Variants in NCAM2 observed in about 807,000 individuals in gnomAD.
NCAM2 encodes the protein N-CAM-2.
In NCAM2, 30 loss-of-function variants were observed where a neutral mutation model predicts 98.1. The observed-to-expected ratio is 0.31, with a 90% CI of 0.23 to 0.41. The LOEUF (loss-of-function observed/expected upper bound fraction) is 0.41. Ranked by LOEUF, NCAM2 falls within the 10% of genes least tolerant of loss-of-function variation. The pLI is 1.00. For synonymous variants in NCAM2, 368 were observed against 342.4 expected, an observed-to-expected ratio of 1.07 and a Z score of -0.83; for missense variants, 867 against 1,005.8, an observed-to-expected ratio of 0.86 and a Z score of 1.87.
intron 1 of NCAM2, among the ~76,000 whole-genome samples, chr21:21,132,811 T>G (rs1405231601): frequency 1.3e-5 from 2 of 151,972 alleles, no homozygotes; most frequent in African/African-American, 4.8e-5. Flanking sequence ...TGAATATTTT[T>G]TAAAATGAAT....
At chr21:21,247,398 G>A (rs1423304568) in intron 1 of NCAM2, among the ~76,000 whole-genome samples, 1 of 152,154 alleles carries the variant, frequency 6.6e-6, no homozygotes, top group Non-Finnish European at 1.5e-5. Flanking sequence ...ATCTATTAAA[G>A]AGAAACGAAA....
intron 1 of NCAM2, among the ~76,000 whole-genome samples, chr21:21,044,588 A>C (rs2064972019): frequency 6.6e-6 from 1 of 152,240 alleles, no homozygotes; most frequent in Non-Finnish European, 1.5e-5. Context: ...TTAAAACCAA[A>C]TAAAAATGAT....
chr21:21,287,638 T>C (rs1412540095), intron 4 of NCAM2, among the ~76,000 whole-genome samples: 2 of 151,994 alleles, frequency 1.3e-5, no homozygotes, highest in Non-Finnish European at 1.5e-5. Context: ...TGTAAAACTT[T>C]ATTAGTAGAA....
chr21:21,120,168 G>T (rs564147926), intron 1 of NCAM2, among the ~76,000 whole-genome samples: 2 of 152,296 alleles, frequency 1.3e-5, no homozygotes, highest in South Asian at 4.1e-4. Context: ...TTATTAGTTT[G>T]TTAGGTAGAA....
chr21:21,033,888 A>G (rs2064743000), intron 1 of NCAM2, among the ~76,000 whole-genome samples: 1 of 152,120 alleles, frequency 6.6e-6, no homozygotes, highest in South Asian at 2.1e-4. Context: ...AGGCCCTGTT[A>G]ATAGTCATCC....
At chr21:21,164,982 A>G (rs1250787536) in intron 1 of NCAM2, among the ~76,000 whole-genome samples, 2 of 152,150 alleles carry the variant, frequency 1.3e-5, no homozygotes, top group Non-Finnish European at 2.9e-5. Context: ...ACTATCTTAA[A>G]TGCACTGTTG....
At chr21:21,448,408 A>G (rs1218190593) in intron 12 of NCAM2, among the ~76,000 whole-genome samples, 1 of 151,910 alleles carries the variant, frequency 6.6e-6, no homozygotes, top group Non-Finnish European at 1.5e-5. Flanking sequence ...TGGGGGCAAA[A>G]GGAGGGAACT....
chr21:21,441,989 G>A (rs232414), intron 12 of NCAM2, among the ~76,000 whole-genome samples: 73,954 of 151,988 alleles, frequency 0.49, 18,475 homozygotes, highest in African/African-American at 0.6. Context: ...CTTTTCTCAA[G>A]TCTATGAAAT....
At chr21:21,247,931 A>C (rs1459682909) in intron 1 of NCAM2, among the ~76,000 whole-genome samples, 2 of 151,800 alleles carry the variant, frequency 1.3e-5, no homozygotes, top group Non-Finnish European at 2.9e-5. Flanking sequence ...CTTTCTCTTC[A>C]ATTCTTTTAA....
intron 1 of NCAM2, among the ~76,000 whole-genome samples, chr21:21,215,222 T>C (rs1601669091): frequency 6.6e-6 from 1 of 152,136 alleles, no homozygotes; most frequent in Admixed American, 6.5e-5. Flanking sequence ...GTGCTTATCA[T>C]TATGCAAAGA....
At chr21:21,196,930 G>C (rs1255166364) in intron 1 of NCAM2, among the ~76,000 whole-genome samples, 1 of 152,042 alleles carries the variant, frequency 6.6e-6, no homozygotes, top group Non-Finnish European at 1.5e-5. Flanking sequence ...AGATCTCGTT[G>C]TTTAAAAGTG....
At chr21:21,458,549 G>C (rs923558593) in intron 12 of NCAM2, among the ~76,000 whole-genome samples, 3 of 152,182 alleles carry the variant, frequency 2.0e-5, no homozygotes, top group Non-Finnish European at 4.4e-5. Context: ...AGACCTCAGA[G>C]AGCTGCTTTG....
intron 1 of NCAM2, among the ~76,000 whole-genome samples, chr21:21,252,787 C>T (rs2032299): frequency 0.072 from 10,965 of 152,010 alleles, 788 homozygotes; most frequent in East Asian, 0.34. Context: ...TCTTTATTTT[C>T]TCCTGTCTAC....
At chr21:21,450,807 C>CGTATGTATGT (rs1980934719) in intron 12 of NCAM2, among the ~76,000 whole-genome samples, 2 of 112,624 alleles carry the variant, frequency 1.8e-5, no homozygotes, top group African/African-American at 6.5e-5. Flanking sequence ...CACACACACA[C>CGTATGTATGT]ACACACACAC....
At chr21:21,059,640 A>G (rs1437810336) in intron 1 of NCAM2, among the ~76,000 whole-genome samples, 1 of 152,150 alleles carries the variant, frequency 6.6e-6, no homozygotes, top group East Asian at 1.9e-4. Flanking sequence ...CAAGTTAAAA[A>G]TGGTTTTGCA....
chr21:21,420,453 GA>G (rs1400244643), intron 11 of NCAM2, among the ~76,000 whole-genome samples: 28 of 151,898 alleles, frequency 1.8e-4, no homozygotes, highest in Non-Finnish European at 3.8e-4. Flanking sequence ...AGTCTTCTAA[GA>G]CTAGGTAAAG....
intron 1 of NCAM2, among the ~76,000 whole-genome samples, chr21:21,039,234 G>T (rs1426445382): frequency 2.0e-5 from 3 of 151,976 alleles, no homozygotes; most frequent in Non-Finnish European, 4.4e-5. Flanking sequence ...ATCATTCTAT[G>T]GTCTACCTTC....
chr21:21,243,383 GT>G (rs2147249340), intron 1 of NCAM2, among the ~76,000 whole-genome samples: 2 of 152,286 alleles, frequency 1.3e-5, no homozygotes, highest in East Asian at 3.9e-4. Context: ...AGCTCATAAA[GT>G]TTAGCAGAGG....
At chr21:21,003,010 A>G (rs919803874) in intron 1 of NCAM2, among the ~76,000 whole-genome samples, 2 of 152,166 alleles carry the variant, frequency 1.3e-5, no homozygotes, top group Non-Finnish European at 2.9e-5. Flanking sequence ...TATAGAGCCA[A>G]GCTATCTCTA....
Sources: gnomAD v4.1 joint callset for allele counts (sites outside exome capture counted in the v4.1 genomes callset) on GRCh38, gnomAD v4.1.1 for gene constraint, MANE v1.5 for transcripts, NCBI Gene and HGNC (gene_info 2026-07-23, HGNC 2026-07-21) for gene names.